The following EXPH5 variants were observed in gnomAD, a reference collection of about 807,000 sequenced individuals.
EXPH5 encodes the protein exophilin-5.
In EXPH5, 42 loss-of-function variants were observed where a neutral mutation model predicts 41.1. The observed-to-expected ratio is 1.02, with a 90% CI of 0.80 to 1.32. The LOEUF is 1.32. Ranked by LOEUF, EXPH5 falls within the 40% of genes most tolerant of loss-of-function variation. EXPH5 has a pLI of 0.00. For missense variants in EXPH5, 2,298 were observed against 2,314.5 expected (o/e 0.99, Z 0.15); for synonymous variants, 798 against 833.5 (o/e 0.96, Z 0.73).
chr11:108,595,450 G>A (rs922501958), upstream of EXPH5, among the ~76,000 whole-genome samples: 4 of 152,206 alleles, frequency 2.6e-5, no homozygotes, highest in Non-Finnish European at 4.4e-5. Flanking sequence ...AAGGGGATCA[G>A]CGTGCTGAAT....
chr11:108,602,952 T>C, the EXPH5 span, among the ~76,000 whole-genome samples: 1 of 151,942 alleles, frequency 6.6e-6, no homozygotes, highest in Non-Finnish European at 1.5e-5. Flanking sequence ...TGGTGGGAGG[T>C]GATTGGATCA....
At chr11:108,573,199 A>AG (rs67293636) in intron 1 of EXPH5, among the ~76,000 whole-genome samples, 53 of 92,444 alleles carry the variant, frequency 5.7e-4, no homozygotes, top group African/African-American at 1.8e-3. Context: ...AAAGAAAGAA[A>AG]AAGAAAGAAA....
chr11:108,580,311 AT>A (rs1397062788), intron 1 of EXPH5, among the ~76,000 whole-genome samples: 1 of 152,248 alleles, frequency 6.6e-6, no homozygotes, highest in Middle Eastern at 3.2e-3. Flanking sequence ...GATGCTCAAC[AT>A]CACTAATCAT....
intron 1 of EXPH5, among the ~76,000 whole-genome samples, chr11:108,550,937 T>G (rs561205614): frequency 1.3e-5 from 2 of 152,190 alleles, no homozygotes; most frequent in South Asian, 4.2e-4. Context: ...CTACATCACA[T>G]CCAAATCATT....
intron 3 of EXPH5, among the ~76,000 whole-genome samples, chr11:108,528,432 A>T (rs2093814271): frequency 6.6e-6 from 1 of 152,202 alleles, no homozygotes; most frequent in Non-Finnish European, 1.5e-5. Flanking sequence ...ATATTAGTGG[A>T]TTTGCATTTG....
chr11:108,532,701 C>G (rs2093851525), intron 3 of EXPH5, among the ~76,000 whole-genome samples: 1 of 152,152 alleles, frequency 6.6e-6, no homozygotes, highest in South Asian at 2.1e-4. Flanking sequence ...AGACCATCCT[C>G]TCTGCCGATG....
intron 2 of EXPH5, 50 bp from the exon 3 acceptor site, chr11:108,539,236 A>T: frequency 2.3e-6 from 3 of 1,314,374 alleles, no homozygotes; most frequent in Non-Finnish European, 3.2e-6. Context: ...CCAAGTAAAT[A>T]TACTTGAAAG....
At chr11:108,548,139 A>C (rs1056322906) in intron 1 of EXPH5, among the ~76,000 whole-genome samples, 1 of 143,280 alleles carries the variant, frequency 7.0e-6, no homozygotes, top group African/African-American at 2.6e-5. Flanking sequence ...AAAAAAAATC[A>C]GTGTCTCAGA....
chr11:108,587,173 GCAGGTTAGTTACATATGCATA>G (rs1204256319), intron 1 of EXPH5, among the ~76,000 whole-genome samples: 2 of 152,140 alleles, frequency 1.3e-5, no homozygotes, highest in African/African-American at 2.4e-5. Context: ...TGCACAATGT[GCAGGTTAGTTACATATGCATA>G]CATGTGCCAT....
rs2093676135 is a variant in EXPH5 at position 108,510,974 on chromosome 11, A to G, written c.4533T>C (p.Thr1511=). Residue 1511 remains threonine (T), a synonymous_variant, in exon 6 of 6, where the codon ACT becomes ACC. Coordinates refer to ENST00000265843, the MANE Select transcript of EXPH5 (RefSeq NM_015065.3). The part of the protein sequence containing the change: ...SHSESQVFAL[T]PALHKLQLGE... ...CAAGCTGTAGTTTATGCAATGCTGG[A>G]GTAAGGGCAAAGACTTGACTCTCTG... 3 of 1,614,114 alleles carry G rather than the reference A, an allele frequency of 1.9e-6. No homozygotes were observed. Among genetic ancestry groups the G allele is most frequent in the Non-Finnish European group, 2.5e-6 (3 of 1,180,010 alleles).
chr11:108,573,123 AGAAGGAAGGAAAGAAG>A (rs2094066489), intron 1 of EXPH5, among the ~76,000 whole-genome samples: 2 of 139,514 alleles, frequency 1.4e-5, no homozygotes, highest in Non-Finnish European at 3.1e-5. Flanking sequence ...GAAAAAGAAA[AGAAGGAAGGAAAGAAG>A]GAAAGAAAGA....
In EXPH5 at chr11:108,576,101, T is replaced by C. The variant is rs116015036; in HGVS notation, c.119+17317A>G. Among the ~76,000 whole-genome samples, 1,295 of 152,290 alleles carry C rather than the reference T, an allele frequency of 8.5e-3. 17 individuals carry two copies. Among genetic ancestry groups the C allele is most frequent in the African/African-American group, 0.029 (1,209 of 41,554 alleles). On this transcript the variant is annotated intron_variant, in intron 1 of 5. Coordinates refer to ENST00000265843, the MANE Select transcript of EXPH5 (RefSeq NM_015065.3). ...TATACTCTGGAGAACTGAGAACAGGTACTCAAACAAATACTTGTGAGACAA... is the reference window on the plus strand; with the variant it reads ...TATACTCTGGAGAACTGAGAACAGGCACTCAAACAAATACTTGTGAGACAA...
rs1055184997 is a variant in EXPH5 at position 108,540,451 on chromosome 11, T to TA, written c.280+1200dup. 2.8e-4 allele frequency among the ~76,000 whole-genome samples: 43 copies of TA among 152,270 alleles called. 1 individual carries two copies. The highest frequency in any genetic ancestry group is 1.0e-3 in the African/African-American group (42 of 41,556). On this transcript the variant is annotated intron_variant, in intron 2 of 5. Coordinates refer to ENST00000265843, the MANE Select transcript of EXPH5 (RefSeq NM_015065.3). ...CATCAGGGTATGTATGGGGGTGATC[T>TA]AAAAAATCTGAACTGTGAGTCTTTT...
At chr11:108,573,804 A>G (rs2094070858) in intron 1 of EXPH5, among the ~76,000 whole-genome samples, 2 of 152,342 alleles carry the variant, frequency 1.3e-5, no homozygotes, top group African/African-American at 2.4e-5. Flanking sequence ...TCTTAAAAAC[A>G]AAAGGTGAAG....
At chr11:108,515,289 T>G (rs1311705027) in intron 5 of EXPH5, among the ~76,000 whole-genome samples, 2 of 152,180 alleles carry the variant, frequency 1.3e-5, no homozygotes, top group African/African-American at 4.8e-5. Flanking sequence ...GCCTTGTCTT[T>G]CTGTTTCTTT....
chr11:108,572,840 T>C (rs2094065345), intron 1 of EXPH5, among the ~76,000 whole-genome samples: 1 of 152,144 alleles, frequency 6.6e-6, no homozygotes, highest in Admixed American at 6.6e-5. Context: ...ATGACAGGCA[T>C]GAGCCACTGC....
intron 2 of EXPH5, among the ~76,000 whole-genome samples, chr11:108,540,715 G>T (rs140106865): frequency 1.3e-5 from 2 of 151,996 alleles, no homozygotes; most frequent in African/African-American, 4.8e-5. Flanking sequence ...TATATAGAAG[G>T]CATTTATTAG....
chr11:108,593,609 C>T lies in EXPH5; in HGVS notation c.-73G>A, dbSNP rs967515195. 1.9e-6 allele frequency: 3 copies of T among 1,611,196 alleles called. No individual in the cohort carries two copies. Among genetic ancestry groups the T allele is most frequent in the Non-Finnish European group, 2.5e-6 (3 of 1,178,598 alleles). On this transcript the variant is annotated 5_prime_UTR_variant, in exon 1 of 6. Coordinates refer to ENST00000265843, the MANE Select transcript of EXPH5 (RefSeq NM_015065.3). ...TTAGGAAGGCATTTTTCAACCTGTA[C>T]AAGACCAGTTTCACGAACTTGATCC...
At chr11:108,518,417 C>A in intron 4 of EXPH5, 44 bp from the exon 5 acceptor site, 1 of 1,595,330 alleles carries the variant, frequency 6.3e-7, no homozygotes, top group Non-Finnish European at 8.6e-7. Context: ...TGAGCCTTCA[C>A]CAGTCAAAAT....
Sources: allele counts gnomAD v4.1 joint callset (sites outside exome capture counted in the v4.1 genomes callset), GRCh38; gene constraint gnomAD v4.1.1; transcripts MANE v1.5; gene names NCBI Gene and HGNC (gene_info 2026-07-23, HGNC 2026-07-21).